The following FOCAD variants were observed in gnomAD, a reference collection of about 807,000 sequenced individuals.
FOCAD encodes the protein focadhesin.
FOCAD carries 198 observed loss-of-function variants against 225.6 expected under a neutral mutation model. The ratio of observed to expected loss-of-function variants is 0.88; its 90% CI spans 0.78 to 0.99. The LOEUF is 0.99. Ranked by LOEUF, FOCAD falls within the 50% of genes least tolerant of loss-of-function variation. FOCAD has a pLI of 0.00. For missense variants in FOCAD, 2,713 were observed against 2,123.6 expected, an observed-to-expected ratio of 1.28 and a Z score of -5.46; for synonymous variants, 897 against 755.0, an observed-to-expected ratio of 1.19 and a Z score of -3.08.
chr9:20,990,790 C>T (rs1324268624), intron 42 of FOCAD, among the ~76,000 whole-genome samples: 2 of 152,128 alleles, frequency 1.3e-5, no homozygotes, highest in African/African-American at 4.8e-5. Context: ...AGTTGATCAA[C>T]AATGCCTGGG....
intron 15 of FOCAD, among the ~76,000 whole-genome samples, chr9:20,831,043 G>C (rs1008648866): frequency 6.6e-6 from 1 of 151,994 alleles, no homozygotes; most frequent in African/African-American, 2.4e-5. Context: ...ATTTAAATCC[G>C]TAGTTTTAAA....
chr9:20,794,240 G>A (rs2131219094), intron 11 of FOCAD, among the ~76,000 whole-genome samples: 1 of 152,268 alleles, frequency 6.6e-6, no homozygotes, highest in Non-Finnish European at 1.5e-5. Context: ...CCTAAGAGAT[G>A]TTGGAAAGAC....
upstream of FOCAD, among the ~76,000 whole-genome samples, chr9:20,656,954 C>G (rs1339760859): frequency 2.0e-5 from 3 of 151,678 alleles, no homozygotes; most frequent in African/African-American, 7.3e-5. Context: ...CCTTCAGGAG[C>G]TCTTTTAGGG....
At chr9:20,922,965 T>C (rs985147896) in intron 24 of FOCAD, among the ~76,000 whole-genome samples, 1 of 152,200 alleles carries the variant, frequency 6.6e-6, no homozygotes, top group African/African-American at 2.4e-5. Context: ...AGTCAAACTC[T>C]TAAGAGTTTA....
intron 2 of FOCAD, among the ~76,000 whole-genome samples, chr9:20,679,202 G>A (rs1822327047): frequency 1.3e-5 from 2 of 150,344 alleles, no homozygotes. Flanking sequence ...TGCAGGGGAG[G>A]GAGATCATGT....
chr9:20,774,468 C>G (rs1247694765), intron 8 of FOCAD, among the ~76,000 whole-genome samples: 1 of 152,104 alleles, frequency 6.6e-6, no homozygotes, highest in African/African-American at 2.4e-5. Flanking sequence ...TGGAATACTT[C>G]CACAAAAAGA....
At chr9:20,673,273 T>C (rs1822130532) in intron 2 of FOCAD, among the ~76,000 whole-genome samples, 1 of 152,220 alleles carries the variant, frequency 6.6e-6, no homozygotes, top group Admixed American at 6.5e-5. Context: ...TTAATTTCTC[T>C]AGGATATATA....
At chr9:20,713,860 G>T (rs910858047) in intron 1 of FOCAD, among the ~76,000 whole-genome samples, 1 of 152,210 alleles carries the variant, frequency 6.6e-6, no homozygotes, top group African/African-American at 2.4e-5. Flanking sequence ...AAAACTACAA[G>T]AAAGTTGTGA....
Position 20,990,147 on chromosome 9 carries a change from T to C in FOCAD, c.5029T>C (p.Phe1677Leu). 1.2e-6 allele frequency: 2 copies of C among 1,614,208 alleles called. No individual in the cohort carries two copies. The highest frequency in any genetic ancestry group is 1.1e-5 in the South Asian group (1 of 91,084). Residue 1677 changes from phenylalanine to leucine, a missense_variant, in exon 42 of 44, where the codon TTT becomes CTT. Physicochemically the swap from Phe to Leu is conservative, Grantham distance 22. Coordinates refer to ENST00000338382, the MANE Select transcript of FOCAD (RefSeq NM_001375567.1). Reference protein sequence around the residue: ...DKALDFFLLIFATAVVAWADH... With the variant: ...DKALDFFLLILATAVVAWADH... ...GGCTTTGGACTTCTTCTTGCTGATA[T>C]TTGCAACCGCAGTGGTTGCATGGGC...
Position 20,720,424 on chromosome 9 carries a change from T to G in FOCAD, c.177T>G (p.Asn59Lys). Residue 59 changes from asparagine to lysine, a missense_variant, in exon 4 of 44, where the codon AAT becomes AAG. Physicochemically the swap from Asn to Lys is moderately conservative, Grantham distance 94 (BLOSUM62 0). Transcript: ENST00000338382. ...NLLWEKCCSD[N>K]VVVRTACCEG... ...TGTGGGAGAAGTGTTGCAGTGACAA[T>G]GTAGTGGTTCGAACAGCCTGCTGTG... The G allele has an allele frequency of 5.0e-6, 8 of 1,614,096 alleles. No homozygotes were observed. Among genetic ancestry groups the G allele is most frequent in the Non-Finnish European group, 6.8e-6 (8 of 1,179,996 alleles).
intron 5 of FOCAD, among the ~76,000 whole-genome samples, chr9:20,756,030 C>G (rs1162825189): frequency 2.0e-5 from 3 of 152,084 alleles, no homozygotes; most frequent in Admixed American, 1.3e-4. Context: ...TACTACATAC[C>G]TGAGAGGCTT....
At chr9:20,797,360 A>G (rs1303121106) in intron 11 of FOCAD, among the ~76,000 whole-genome samples, 1 of 152,196 alleles carries the variant, frequency 6.6e-6, no homozygotes, top group Non-Finnish European at 1.5e-5. Context: ...GAAGAAAGTC[A>G]TTGGTAGCTT....
chr9:20,656,776 C>CA (rs1392619495), upstream of FOCAD, among the ~76,000 whole-genome samples: 1 of 152,136 alleles, frequency 6.6e-6, no homozygotes, highest in Non-Finnish European at 1.5e-5. Context: ...AGTCCATTTA[C>CA]ATTTAAAGTT....
intron 35 of FOCAD, among the ~76,000 whole-genome samples, chr9:20,972,952 T>G (rs894411177): frequency 6.6e-6 from 1 of 151,948 alleles, no homozygotes; most frequent in Non-Finnish European, 1.5e-5. Flanking sequence ...TTCCTGTGCT[T>G]CTGCTTTCTG....
intron 28 of FOCAD, among the ~76,000 whole-genome samples, chr9:20,934,183 G>A (rs1444015669): frequency 6.6e-6 from 1 of 152,050 alleles, no homozygotes; most frequent in African/African-American, 2.4e-5. Context: ...GCTGACTGTT[G>A]CTTTTGCCAT....
At chr9:20,943,304 G>A (rs1587683443) in intron 28 of FOCAD, among the ~76,000 whole-genome samples, 2 of 152,294 alleles carry the variant, frequency 1.3e-5, no homozygotes, top group East Asian at 1.9e-4. Context: ...GCTTCTTTAC[G>A]AAGGATTTTT....
At chr9:20,761,522 G>A (rs1193929661) in intron 6 of FOCAD, among the ~76,000 whole-genome samples, 1 of 152,054 alleles carries the variant, frequency 6.6e-6, no homozygotes, top group Middle Eastern at 3.2e-3. Flanking sequence ...ACGGGTTCAC[G>A]CCATTCTTCT....
chr9:20,909,287 T>A (rs1263703392), intron 22 of FOCAD, among the ~76,000 whole-genome samples: 1 of 151,996 alleles, frequency 6.6e-6, no homozygotes, highest in Non-Finnish European at 1.5e-5. Context: ...GGATTATAGA[T>A]GGGAAAGCAG....
chr9:20,658,595 C>T (rs1007284875), intron 1 of FOCAD: 2 of 154,424 alleles, frequency 1.3e-5, no homozygotes, highest in Non-Finnish European at 2.9e-5. Flanking sequence ...TCCCTGACCC[C>T]TTGCGCTTCC....
Sources: gnomAD v4.1 joint callset for allele counts (sites outside exome capture counted in the v4.1 genomes callset) on GRCh38, gnomAD v4.1.1 for gene constraint, MANE v1.5 for transcripts, NCBI Gene and HGNC (gene_info 2026-07-23, HGNC 2026-07-21) for gene names.